The following OPN5 variants were observed in gnomAD, a reference collection of about 807,000 sequenced individuals.
The protein encoded by OPN5 is opsin-5.
OPN5 carries 18 observed loss-of-function variants against 41.7 expected under a neutral mutation model. The ratio of observed to expected loss-of-function variants is 0.43; its 90% CI spans 0.30 to 0.64. The LOEUF (loss-of-function observed/expected upper bound fraction) is 0.64, where lower values mean the gene tolerates loss of function less well. Among genes scored for constraint, OPN5 ranks in the 30% least tolerant of loss-of-function variants. The pLI is 0.13. For synonymous variants in OPN5, 178 were observed against 164.3 expected (o/e 1.08, Z -0.64); for missense variants, 318 against 434.5 (o/e 0.73, Z 2.38).
chr6:47,785,099 A>G (rs1434127756), intron 1 of OPN5, among the ~76,000 whole-genome samples: 1 of 152,246 alleles, frequency 6.6e-6, no homozygotes, highest in East Asian at 1.9e-4. Context: ...AAATATTTTC[A>G]AAAGAGATGT....
chr6:47,813,104 C>CAAAAAA (rs1762307662), intron 6 of OPN5, among the ~76,000 whole-genome samples: 1 of 110,384 alleles, frequency 9.1e-6, no homozygotes, highest in African/African-American at 3.0e-5. Context: ...ACAACAACAA[C>CAAAAAA]AACAACAACA....
rs1389298718 is a variant in OPN5 at position 47,819,354 on chromosome 6, A to ATATATATATAT, written c.1057-4629_1057-4628insTATATATATAT. Among the ~76,000 whole-genome samples, 245 of 59,040 alleles carry ATATATATATAT rather than the reference A, an allele frequency of 4.1e-3. 44 individuals are homozygous for ATATATATATAT. In the East Asian group the frequency reaches 0.052, roughly 12 times the overall value. 38.7% of individuals were successfully genotyped at this position (59,040 alleles called of 152,430 possible). A position where few individuals can be genotyped will look rare whatever the true frequency, so the allele number is the denominator to read the frequency against. The stretch of plus-strand genomic sequence containing the variant: ...AATTAGGAATATATATATATATATA[A>ATATATATATAT]AAAATATATTACCGTATAAGTAGAA... On this transcript the variant is annotated intron_variant, in intron 6 of 6. Transcript: ENST00000371211.
chr6:47,795,121 C>T (rs1364307807), intron 3 of OPN5, 108 bp from the exon 4 acceptor site: 1 of 919,092 alleles, frequency 1.1e-6, no homozygotes, highest in Non-Finnish European at 1.6e-6. Flanking sequence ...CCCAGGTCTC[C>T]CAGAAATCAA....
At chr6:47,790,392 ACTCT>A (rs879689653) in intron 2 of OPN5, among the ~76,000 whole-genome samples, 3 of 151,712 alleles carry the variant, frequency 2.0e-5, no homozygotes, top group Admixed American at 6.6e-5. Context: ...TTCAGGGGAC[ACTCT>A]CTCTCTCTTT....
At chr6:47,819,227 A>G (rs935056332) in intron 6 of OPN5, among the ~76,000 whole-genome samples, 19 of 150,772 alleles carry the variant, frequency 1.3e-4, no homozygotes, top group African/African-American at 4.4e-4. Flanking sequence ...AAGAATCACA[A>G]GAATATGTGG....
chr6:47,808,156 A>G (rs1370572518), exon 5 of OPN5: 1 of 1,613,646 alleles, frequency 6.2e-7, no homozygotes. Context: ...CTCATCAGGT[A>G]GCGATGTTGA....
chr6:47,808,103 T>G (rs758396761), intron 4 of OPN5, 51 bp from the exon 5 acceptor site: 1 of 1,602,558 alleles, frequency 6.2e-7, no homozygotes, highest in East Asian at 2.2e-5. Flanking sequence ...TTCAGACTCA[T>G]GTCCTTTATC....
chr6:47,792,431 T>C (rs1240797423), intron 3 of OPN5, among the ~76,000 whole-genome samples: 4 of 152,184 alleles, frequency 2.6e-5, no homozygotes, highest in African/African-American at 9.7e-5. Context: ...ACCTCCAAGT[T>C]AGAGTCATGT....
intron 2 of OPN5, chr6:47,787,312 C>A (rs1236362251): frequency 4.2e-6 from 1 of 240,556 alleles, no homozygotes; most frequent in Non-Finnish European, 6.7e-6. Flanking sequence ...AAATTGAGAA[C>A]CACTGGCTTC....
rs751622040 is a variant in OPN5, at chr6:47,792,019, T to C, written c.421+47T>C. ...TCCCTGACAGTTAAAGCTAGGTGGA[T>C]TGAGTGTTAGAACTGTACATATTTT... is the stretch of plus-strand genomic sequence containing the variant. On this transcript the variant is annotated intron_variant, in intron 3 of 6. Coordinates refer to ENST00000371211, the Ensembl canonical transcript of OPN5. 1.1e-5 allele frequency: 15 copies of C among 1,398,848 alleles called. No homozygotes were observed. The South Asian group carries it at 1.4e-4, about 13-fold the overall frequency. 86.7% of individuals were successfully genotyped at this position (1,398,848 alleles called of 1,614,324 possible).
At chr6:47,809,584 C>T (rs955075592) in intron 5 of OPN5, among the ~76,000 whole-genome samples, 3 of 152,106 alleles carry the variant, frequency 2.0e-5, no homozygotes, top group Non-Finnish European at 4.4e-5. Flanking sequence ...TATCTTTGAA[C>T]AAATTAACTA....
intron 4 of OPN5, among the ~76,000 whole-genome samples, chr6:47,797,175 A>G (rs1235760854): frequency 1.3e-5 from 2 of 152,176 alleles, no homozygotes; most frequent in Non-Finnish European, 2.9e-5. Context: ...AAACCATATC[A>G]CATACTGTGA....
chr6:47,810,756 G>A (rs998976342), intron 5 of OPN5, among the ~76,000 whole-genome samples: 1 of 152,156 alleles, frequency 6.6e-6, no homozygotes, highest in Non-Finnish European at 1.5e-5. Flanking sequence ...GTGAACCAAA[G>A]GAAACAAATG....
chr6:47,801,964 G>A (rs1288484182), intron 4 of OPN5, among the ~76,000 whole-genome samples: 1 of 152,156 alleles, frequency 6.6e-6, no homozygotes, highest in Admixed American at 6.6e-5. Context: ...TCCCAATTTT[G>A]CCACTAGCTC....
intron 6 of OPN5, among the ~76,000 whole-genome samples, chr6:47,819,306 A>G (rs1393012479): frequency 9.0e-6 from 1 of 110,818 alleles, no homozygotes; most frequent in Non-Finnish European, 1.9e-5. Context: ...CTTGCTGGTC[A>G]GAGATCTCTA....
intron 3 of OPN5, among the ~76,000 whole-genome samples, 155 bp downstream of exon 3, chr6:47,792,127 G>A (rs1364386110): frequency 6.6e-6 from 1 of 152,158 alleles, no homozygotes; most frequent in African/African-American, 2.4e-5. Context: ...GTTCTGACAT[G>A]TTTAAGGATT....
At chr6:47,788,805 T>TGGGG (rs5876033) in intron 2 of OPN5, among the ~76,000 whole-genome samples, 210 of 125,230 alleles carry the variant, frequency 1.7e-3, no homozygotes, top group South Asian at 4.5e-3. Context: ...TAGGATAACC[T>TGGGG]GGGGGGGGGC....
At chr6:47,819,905 C>T (rs1762549635) in intron 6 of OPN5, among the ~76,000 whole-genome samples, 1 of 152,098 alleles carries the variant, frequency 6.6e-6, no homozygotes, top group Admixed American at 6.5e-5. Context: ...GCAAATTCCT[C>T]CAAGCAAAAT....
chr6:47,818,475 A>C (rs541424928), intron 6 of OPN5, among the ~76,000 whole-genome samples: 5 of 152,342 alleles, frequency 3.3e-5, no homozygotes, highest in African/African-American at 1.2e-4. Context: ...GGGCCTGAAC[A>C]TTGTACAAAC....
Sources: allele counts gnomAD v4.1 joint callset (sites outside exome capture counted in the v4.1 genomes callset), GRCh38; gene constraint gnomAD v4.1.1; transcripts MANE v1.5; gene names NCBI Gene and HGNC (gene_info 2026-07-23, HGNC 2026-07-21).